Variants in KAZN observed in about 807,000 individuals in gnomAD.
KAZN encodes kazrin, periplakin interacting protein.
Under a neutral mutation model 87.4 loss-of-function variants are expected in KAZN, and 40 were observed. That is an observed-to-expected ratio of 0.46 (90% CI 0.36 to 0.60). The LOEUF is 0.60. Among genes scored for constraint, KAZN ranks in the 20% least tolerant of loss-of-function variants. The pLI, the probability that KAZN is intolerant of heterozygous loss-of-function variation, is 0.00. For synonymous variants in KAZN, 466 were observed against 458.3 expected (o/e 1.02, Z -0.22); for missense variants, 898 against 1,073.9 (o/e 0.84, Z 2.29).
chr1:14,152,777 T>C (rs1212264043), intron 1 of KAZN, among the ~76,000 whole-genome samples: 2 of 152,210 alleles, frequency 1.3e-5, no homozygotes, highest in Non-Finnish European at 2.9e-5. Flanking sequence ...CTATTCCCCA[T>C]AGTGGTTGTA....
chr1:14,105,835 G>A (rs1644361359), intron 1 of KAZN, among the ~76,000 whole-genome samples: 1 of 152,144 alleles, frequency 6.6e-6, no homozygotes, highest in South Asian at 2.1e-4. Context: ...AGTCCTCTTT[G>A]GAAGGTCAGA....
intron 1 of KAZN, among the ~76,000 whole-genome samples, chr1:14,919,506 A>G (rs1458854020): frequency 6.6e-6 from 1 of 152,172 alleles, no homozygotes; most frequent in Non-Finnish European, 1.5e-5. Flanking sequence ...CACACACAGC[A>G]AGGGATCCTG....
rs76206360 is a variant in KAZN at position 14,279,113 on chromosome 1, T to C, written c.249+98521T>C. On this transcript the variant is annotated intron_variant, in intron 2 of 16. Transcript: ENST00000636203. The stretch of plus-strand genomic sequence containing the variant: ...AAATGATGTAATTTTTGGCATATTA[T>C]AAAGGTCACATAAAATTGTCATATT... Among the ~76,000 whole-genome samples the C allele has an allele frequency of 7.4e-3, 1,129 of 152,248 alleles. 13 individuals carry two copies. Among genetic ancestry groups the C allele is most frequent in the African/African-American group, 0.026 (1,068 of 41,542 alleles).
chr1:14,434,899 C>G (rs1468131297), intron 2 of KAZN, among the ~76,000 whole-genome samples: 1 of 152,088 alleles, frequency 6.6e-6, no homozygotes, highest in Non-Finnish European at 1.5e-5. Context: ...ATTGTTAAAC[C>G]TCTTTATCCA....
intron 1 of KAZN, among the ~76,000 whole-genome samples, chr1:14,710,077 G>A (rs1266874602): frequency 6.6e-6 from 1 of 152,066 alleles, no homozygotes; most frequent in Admixed American, 6.6e-5. Flanking sequence ...AGAACGTGCT[G>A]GACACTGCCT....
intron 10 of KAZN, among the ~76,000 whole-genome samples, chr1:15,100,890 A>C (rs1397836147): frequency 6.6e-6 from 1 of 152,134 alleles, no homozygotes; most frequent in African/African-American, 2.4e-5. Context: ...GCAGGAAAAC[A>C]GACCGCAGAG....
intron 2 of KAZN, among the ~76,000 whole-genome samples, chr1:15,014,700 A>G (rs1321588740): frequency 6.6e-6 from 1 of 151,926 alleles, no homozygotes; most frequent in African/African-American, 2.4e-5. Flanking sequence ...TCTTGCTTAG[A>G]GCTAAGGAAG....
chr1:14,045,394 A>G (rs187883259), intron 1 of KAZN, among the ~76,000 whole-genome samples: 2 of 152,330 alleles, frequency 1.3e-5, no homozygotes, highest in East Asian at 3.9e-4. Flanking sequence ...TCTGAACTCA[A>G]TTGACTTTGC....
At chr1:14,000,472 C>T (rs1053738516) in intron 1 of KAZN, among the ~76,000 whole-genome samples, 1 of 152,148 alleles carries the variant, frequency 6.6e-6, no homozygotes, top group African/African-American at 2.4e-5. Context: ...TAGAGGCAGG[C>T]AGAAAAGGCC....
chr1:15,114,155 C>G, intron 14 of KAZN: 1 of 266,808 alleles, frequency 3.7e-6, no homozygotes, highest in Non-Finnish European at 7.3e-6. Context: ...TTCCTCAACT[C>G]TCCACCCACC....
intron 1 of KAZN, among the ~76,000 whole-genome samples, chr1:14,835,328 C>T (rs142633805): frequency 7.8e-4 from 119 of 152,212 alleles, no homozygotes; most frequent in Admixed American, 1.2e-3. Flanking sequence ...TCAGGGTTAC[C>T]GCAGAGCAAA....
At chr1:14,517,876 A>G (rs1671379858) in intron 2 of KAZN, among the ~76,000 whole-genome samples, 1 of 152,218 alleles carries the variant, frequency 6.6e-6, no homozygotes, top group Non-Finnish European at 1.5e-5. Context: ...ACAAAGCAGA[A>G]GAATATAAGC....
chr1:14,131,475 T>C (rs1319229064), intron 1 of KAZN, among the ~76,000 whole-genome samples: 1 of 152,166 alleles, frequency 6.6e-6, no homozygotes, highest in Non-Finnish European at 1.5e-5. Flanking sequence ...AAAACAAACT[T>C]AGTGTAGAAG....
intron 2 of KAZN, among the ~76,000 whole-genome samples, chr1:14,494,895 T>C (rs1669859711): frequency 6.6e-6 from 1 of 152,204 alleles, no homozygotes; most frequent in African/African-American, 2.4e-5. Flanking sequence ...GCCTGGGTGA[T>C]GTGGGGAGGT....
rs1024589259 is a variant in KAZN at position 14,996,789 on chromosome 1, C to T, written c.418+35914C>T. On this transcript the variant is annotated intron_variant, in intron 2 of 14. Coordinates refer to ENST00000376030, the MANE Select transcript of KAZN (RefSeq NM_201628.3). The surrounding 1 kb of genome is among the most constrained non-coding windows in gnomAD (Gnocchi z 5.9). ...AGGCCACTTGCAGGAAGACACACCA[C>T]GGAGCCTCCCCGCTCCTGGTGCTCC... 2.0e-5 allele frequency among the ~76,000 whole-genome samples: 3 copies of T among 152,206 alleles called. No homozygotes were observed. Among genetic ancestry groups the T allele is most frequent in the Non-Finnish European group, 4.4e-5 (3 of 68,038 alleles).
At chr1:13,996,030 G>A (rs565726089) in intron 1 of KAZN, among the ~76,000 whole-genome samples, 11 of 151,816 alleles carry the variant, frequency 7.2e-5, no homozygotes, top group South Asian at 6.3e-4. Flanking sequence ...TCCAGGTTCC[G>A]TCATCACAAC....
intron 2 of KAZN, among the ~76,000 whole-genome samples, chr1:15,030,456 C>T (rs1481959518): frequency 6.6e-6 from 1 of 152,034 alleles, no homozygotes; most frequent in African/African-American, 2.4e-5. Flanking sequence ...TTAGTAGAGA[C>T]GGGGTTTCAC....
chr1:13,930,612 C>A (rs1640473210), intron 1 of KAZN, among the ~76,000 whole-genome samples: 2 of 152,084 alleles, frequency 1.3e-5, no homozygotes, highest in African/African-American at 2.4e-5. Flanking sequence ...CCTCATAAAT[C>A]CCAGTCTTAT....
intron 1 of KAZN, among the ~76,000 whole-genome samples, chr1:14,899,435 T>C (rs1210609502): frequency 6.6e-6 from 1 of 152,208 alleles, no homozygotes; most frequent in African/African-American, 2.4e-5. Flanking sequence ...GTCTGAGCCA[T>C]GAACCTGTCC....
Sources: allele counts gnomAD v4.1 joint callset (sites outside exome capture counted in the v4.1 genomes callset), GRCh38; gene constraint gnomAD v4.1.1; non-coding constraint Gnocchi (gnomAD v3.1); transcripts MANE v1.5; gene names NCBI Gene and HGNC (gene_info 2026-07-23, HGNC 2026-07-21).